SGCZ: variants seen among roughly 807,000 people sequenced by gnomAD.
SGCZ encodes zeta-sarcoglycan.
A neutral mutation model predicts 41.3 loss-of-function variants in SGCZ; 40 were observed. The ratio of observed to expected loss-of-function variants is 0.97; its 90% confidence interval spans 0.75 to 1.26. SGCZ has a LOEUF of 1.26. Among genes scored for constraint, SGCZ ranks in the 50% most tolerant of loss-of-function variants. The probability of loss-of-function intolerance (pLI) is 0.00; values close to 1 mark genes in which losing one functional copy is unlikely to be tolerated. For synonymous variants in SGCZ, 206 were observed against 137.5 expected, an observed-to-expected ratio of 1.50 and a Z score of -3.49; for missense variants, 552 against 369.8, an observed-to-expected ratio of 1.49 and a Z score of -4.04.
intron 2 of SGCZ, among the ~76,000 whole-genome samples, chr8:14,486,558 T>C (rs879769980): frequency 8.5e-5 from 13 of 152,236 alleles, no homozygotes; most frequent in African/African-American, 3.1e-4. Context: ...GCACTTCTTG[T>C]GAGTAATGAG....
At chr8:14,363,585 C>T (rs1354312119) in intron 2 of SGCZ, among the ~76,000 whole-genome samples, 1 of 151,900 alleles carries the variant, frequency 6.6e-6, no homozygotes, top group Non-Finnish European at 1.5e-5. Flanking sequence ...TATAAATGGT[C>T]TGACACATTG....
intron 1 of SGCZ, among the ~76,000 whole-genome samples, chr8:14,982,028 T>G (rs1801678840): frequency 6.6e-6 from 1 of 151,904 alleles, no homozygotes; most frequent in Non-Finnish European, 1.5e-5. Flanking sequence ...CTCATGCCTG[T>G]AATACCAGCT....
intron 1 of SGCZ, among the ~76,000 whole-genome samples, chr8:15,082,873 C>T (rs1263200095): frequency 6.6e-6 from 1 of 152,086 alleles, no homozygotes; most frequent in African/African-American, 2.4e-5. Context: ...AGGCTGACTT[C>T]GAAGACTGTT....
At chr8:14,117,442 G>GTGTGTC (rs56855331) in intron 5 of SGCZ, among the ~76,000 whole-genome samples, 1 of 145,626 alleles carries the variant, frequency 6.9e-6, no homozygotes, top group African/African-American at 2.5e-5. Flanking sequence ...GTGTGTGTGT[G>GTGTGTC]AATGCAGAGT....
rs1033623558 is a variant in SGCZ, at chr8:14,146,959, A to T, written c.547+17621T>A. Among the ~76,000 whole-genome samples the T allele has an allele frequency of 5.2e-4, 79 of 151,680 alleles. 1 individual carries two copies. The highest frequency in any genetic ancestry group is 1.8e-3 in the African/African-American group (75 of 41,380). On this transcript the variant is annotated intron_variant, in intron 5 of 7. Transcript: ENST00000382080. ...CAGTACACTAAGGAATAAACAGAAA[A>T]AAAAAACCCAAAAATTTAGTAAGGA... is the stretch of plus-strand genomic sequence containing the variant.
At chr8:14,132,224 A>C (rs1314845118) in intron 5 of SGCZ, among the ~76,000 whole-genome samples, 1 of 152,132 alleles carries the variant, frequency 6.6e-6, no homozygotes, top group Non-Finnish European at 1.5e-5. Flanking sequence ...ACCTGCTTAA[A>C]TCTGCTACTG....
intron 1 of SGCZ, among the ~76,000 whole-genome samples, chr8:14,984,729 A>C (rs1265664781): frequency 2.0e-5 from 3 of 152,174 alleles, no homozygotes; most frequent in Admixed American, 1.3e-4. Flanking sequence ...TTTCTAATTT[A>C]TGTAATGTTC....
intron 1 of SGCZ, among the ~76,000 whole-genome samples, chr8:15,042,018 C>A (rs559387273): frequency 2.0e-5 from 3 of 152,224 alleles, no homozygotes; most frequent in African/African-American, 4.8e-5. Flanking sequence ...TATGTATATT[C>A]TTTGGGTTTA....
intron 3 of SGCZ, among the ~76,000 whole-genome samples, chr8:14,312,283 G>A (rs1801572250): frequency 6.6e-6 from 1 of 152,116 alleles, no homozygotes; most frequent in African/African-American, 2.4e-5. Flanking sequence ...TTTAAGTACT[G>A]CTAATATATT....
chr8:14,373,631 A>G (rs995037098), intron 2 of SGCZ, among the ~76,000 whole-genome samples: 2 of 152,220 alleles, frequency 1.3e-5, no homozygotes, highest in Non-Finnish European at 2.9e-5. Context: ...GAAAGAATGA[A>G]GAACTGAGGA....
Position 14,153,999 on chromosome 8 carries a change from A to G in SGCZ, c.547+10581T>C, listed in dbSNP as rs999967274. Among the ~76,000 whole-genome samples, 3 of 152,096 alleles carry G rather than the reference A, an allele frequency of 2.0e-5. No homozygotes were observed. The East Asian group carries it at 5.8e-4, about 29-fold the overall frequency. ...CACAGCAACAAGGCAGCTGTCTGCA[A>G]GCTAGTAAGGAGTCTTTATCAGAGC... On this transcript the variant is annotated intron_variant, in intron 5 of 7. Transcript: ENST00000382080.
Position 15,130,650 on chromosome 8 carries a change from A to C in SGCZ, c.39+106935T>G, listed in dbSNP as rs1217262146. ...AGTCTCTTTCAATGTCTGTTACTTTAAGAATAAATGATATAATGAGGCTGT... is the reference window on the plus strand; with the variant it reads ...AGTCTCTTTCAATGTCTGTTACTTTCAGAATAAATGATATAATGAGGCTGT... On this transcript the variant is annotated intron_variant, in intron 1 of 7. Transcript: ENST00000382080. Among the ~76,000 whole-genome samples the C allele has an allele frequency of 2.6e-5, 4 of 152,204 alleles. No individual in the cohort carries two copies. The East Asian group carries it at 7.7e-4, about 29-fold the overall frequency.
rs576769875 is a variant in SGCZ, at chr8:14,176,491, C to T, written c.425-11789G>A. Among the ~76,000 whole-genome samples the T allele has an allele frequency of 1.6e-4, 24 of 152,232 alleles. No homozygotes were observed. In the South Asian group the frequency reaches 5.0e-3, roughly 32 times the overall value. ...TATTGTCAAAACTTGGGAAATATTA[C>T]CAAGTCAGTACTGACAAAGAAATGT... On this transcript the variant is annotated intron_variant, in intron 4 of 7. Coordinates refer to ENST00000382080, the MANE Select transcript of SGCZ (RefSeq NM_139167.4).
rs1563168416 is a variant in SGCZ at position 14,635,138 on chromosome 8, A to ATTCG, written c.40-80213_40-80212insCGAA. ...TATTTTAACATCAAACTTTTCATTC[A>ATTCG]AGCTATTCATTCGCAGCTGTCAGTA... On this transcript the variant is annotated intron_variant, in intron 1 of 7. Coordinates refer to ENST00000382080, the MANE Select transcript of SGCZ (RefSeq NM_139167.4). Among the ~76,000 whole-genome samples, 18 of 151,646 alleles carry ATTCG rather than the reference A, an allele frequency of 1.2e-4. No homozygotes were observed. The East Asian group carries it at 3.1e-3, about 26-fold the overall frequency.
intron 1 of SGCZ, among the ~76,000 whole-genome samples, chr8:14,670,736 G>A (rs11203657): frequency 0.54 from 82,808 of 152,056 alleles, 24,089 homozygotes; most frequent in East Asian, 0.74. Flanking sequence ...TTTATTTTCA[G>A]TACAACCCAT....
At position 14,507,408 on chromosome 8, in the gene SGCZ, G is replaced by C. The variant is rs571114678; in HGVS notation, c.234+47324C>G. 2.0e-5 allele frequency among the ~76,000 whole-genome samples: 3 copies of C among 151,970 alleles called. No individual in the cohort carries two copies. In the South Asian group the frequency reaches 6.2e-4, roughly 32 times the overall value. On this transcript the variant is annotated intron_variant, in intron 2 of 7. Coordinates refer to ENST00000382080, the MANE Select transcript of SGCZ (RefSeq NM_139167.4). Reference sequence around the variant, plus strand: ...TTTTCTTTCTCCTCCATCCACTGAAGTCTACCTGTAATTTATTAGATACAA... The same window carrying C: ...TTTTCTTTCTCCTCCATCCACTGAACTCTACCTGTAATTTATTAGATACAA...
chr8:14,607,877 G>A (rs560837845), intron 1 of SGCZ, among the ~76,000 whole-genome samples: 1 of 152,238 alleles, frequency 6.6e-6, no homozygotes, highest in East Asian at 1.9e-4. Flanking sequence ...AGGTGTTAGA[G>A]TACTACTCAA....
intron 2 of SGCZ, among the ~76,000 whole-genome samples, chr8:14,501,486 A>G (rs932925728): frequency 2.6e-5 from 4 of 152,042 alleles, no homozygotes; most frequent in Non-Finnish European, 5.9e-5. Context: ...TACCATATAA[A>G]TGTATTTTAG....
At chr8:14,315,214 C>T (rs1041787482) in intron 3 of SGCZ, among the ~76,000 whole-genome samples, 8 of 152,090 alleles carry the variant, frequency 5.3e-5, no homozygotes, top group Non-Finnish European at 1.2e-4. Context: ...AATAAAATGA[C>T]CTACATTGTC....
Sources: allele counts gnomAD v4.1 joint callset (sites outside exome capture counted in the v4.1 genomes callset), GRCh38; gene constraint gnomAD v4.1.1; transcripts MANE v1.5; gene names NCBI Gene and HGNC (gene_info 2026-07-23, HGNC 2026-07-21).